Variants in EPHA6 observed in about 807,000 individuals in gnomAD.
EPHA6 encodes EPH receptor A6, also known as ephrin type-A receptor 6.
In EPHA6, 50 loss-of-function variants were observed where a neutral mutation model predicts 112.0. The observed-to-expected ratio is 0.45, with a 90% CI of 0.36 to 0.56. EPHA6 has a LOEUF of 0.56. Among genes scored for constraint, EPHA6 ranks in the 20% least tolerant of loss-of-function variants. The pLI is 0.00. For missense variants in EPHA6, 1,280 were observed against 1,417.4 expected, an observed-to-expected ratio of 0.90 and a Z score of 1.56; for synonymous variants, 529 against 490.7, an observed-to-expected ratio of 1.08 and a Z score of -1.03.
intron 5 of EPHA6, among the ~76,000 whole-genome samples, chr3:97,334,477 T>G (rs1283025802): frequency 1.4e-5 from 2 of 144,322 alleles, no homozygotes; most frequent in African/African-American, 5.4e-5. Flanking sequence ...TTTTTTTTCT[T>G]CTTTTTTTTT....
At chr3:96,895,434 A>G (rs971689579) in intron 2 of EPHA6, among the ~76,000 whole-genome samples, 1 of 152,214 alleles carries the variant, frequency 6.6e-6, no homozygotes, top group African/African-American at 2.4e-5. Context: ...ACAGTAAGCT[A>G]AAGTTAATTT....
chr3:97,150,959 T>A (rs984092527), intron 3 of EPHA6, among the ~76,000 whole-genome samples: 1 of 152,172 alleles, frequency 6.6e-6, no homozygotes, highest in Non-Finnish European at 1.5e-5. Flanking sequence ...TCAGATTTTT[T>A]AAAGTATTTA....
At chr3:96,819,007 G>A (rs554321129) in intron 1 of EPHA6, among the ~76,000 whole-genome samples, 2 of 152,022 alleles carry the variant, frequency 1.3e-5, no homozygotes, top group East Asian at 1.9e-4. Flanking sequence ...AAGATAAAAT[G>A]TTTTTATGCA....
chr3:96,960,700 C>T (rs1296305756), intron 2 of EPHA6, among the ~76,000 whole-genome samples: 1 of 152,192 alleles, frequency 6.6e-6, no homozygotes, highest in African/African-American at 2.4e-5. Flanking sequence ...AAATCCATGT[C>T]ACTATGTCTT....
At chr3:97,712,353 G>C (rs1457824417) in intron 14 of EPHA6, among the ~76,000 whole-genome samples, 2 of 152,152 alleles carry the variant, frequency 1.3e-5, no homozygotes, top group African/African-American at 4.8e-5. Context: ...CCAGATAAGA[G>C]TGGGAATAGT....
At chr3:97,126,064 A>G (rs962433188) in intron 3 of EPHA6, among the ~76,000 whole-genome samples, 1 of 152,210 alleles carries the variant, frequency 6.6e-6, no homozygotes, top group Non-Finnish European at 1.5e-5. Context: ...TTACAAGACA[A>G]AAGCCTATCT....
At chr3:96,892,994 G>T (rs2038060813) in intron 2 of EPHA6, among the ~76,000 whole-genome samples, 1 of 151,492 alleles carries the variant, frequency 6.6e-6, no homozygotes, top group Non-Finnish European at 1.5e-5. Context: ...GTGTGTGTGT[G>T]TGTGCGCGCG....
At chr3:97,096,203 G>C (rs2047229995) in intron 3 of EPHA6, among the ~76,000 whole-genome samples, 1 of 151,500 alleles carries the variant, frequency 6.6e-6, no homozygotes, top group Non-Finnish European at 1.5e-5. Context: ...TTTGCAAAAT[G>C]TGTATGTGTG....
chr3:97,058,294 T>TG (rs1396382152), intron 3 of EPHA6, among the ~76,000 whole-genome samples: 5 of 151,824 alleles, frequency 3.3e-5, no homozygotes, highest in African/African-American at 1.2e-4. Context: ...GGAGTTTTTT[T>TG]TTTGTTGTTG....
chr3:97,069,095 A>G (rs754350894), intron 3 of EPHA6, among the ~76,000 whole-genome samples: 4 of 152,090 alleles, frequency 2.6e-5, no homozygotes, highest in Non-Finnish European at 4.4e-5. Context: ...GAAAATTCAC[A>G]TGTAACTTGT....
chr3:97,484,604 A>C (rs2091651143), intron 10 of EPHA6, among the ~76,000 whole-genome samples: 2 of 152,244 alleles, frequency 1.3e-5, no homozygotes, highest in Non-Finnish European at 2.9e-5. Flanking sequence ...ACAGGAATTT[A>C]TGCTGTACAT....
chr3:96,939,426 T>C (rs552708720), intron 2 of EPHA6, among the ~76,000 whole-genome samples: 59 of 152,232 alleles, frequency 3.9e-4, no homozygotes, highest in Non-Finnish European at 7.1e-4. Context: ...GATGGTAGTT[T>C]GTATTTCTGT....
chr3:97,357,891 G>C (rs957493673), intron 5 of EPHA6, among the ~76,000 whole-genome samples: 4 of 152,152 alleles, frequency 2.6e-5, no homozygotes, highest in Non-Finnish European at 4.4e-5. Context: ...ACATCATAAA[G>C]GTCTTCATCT....
intron 11 of EPHA6, among the ~76,000 whole-genome samples, chr3:97,560,855 A>G (rs147133332): frequency 6.6e-6 from 1 of 152,158 alleles, no homozygotes; most frequent in African/African-American, 2.4e-5. Context: ...GAGCAAATCT[A>G]TCAGTGCCAT....
chr3:97,084,875 T>A (rs771908030), intron 3 of EPHA6, among the ~76,000 whole-genome samples: 19 of 152,132 alleles, frequency 1.2e-4, no homozygotes, highest in Non-Finnish European at 2.4e-4. Flanking sequence ...AAAATATTCT[T>A]ATTTTAAAAC....
rs1341764861 is a variant in EPHA6, at chr3:96,954,846, TG to T, written c.451-32483del. ...CTGTCGCCCAGGCCGGACTGCGGAC[TG>T]CAGTGGCGCAATCTCGGCTCACTGC... On this transcript the variant is annotated intron_variant, in intron 2 of 17. Transcript: ENST00000389672. 1.5e-4 allele frequency among the ~76,000 whole-genome samples: 19 copies of T among 129,750 alleles called. No homozygotes were observed. The Admixed American group carries it at 1.7e-3, about 12-fold the overall frequency. The allele number at this position is 129,750 out of a possible 152,430, so 85.1% of individuals were successfully genotyped here. A position where few individuals can be genotyped will look rare whatever the true frequency, so the allele number is the denominator to read the frequency against.
At chr3:97,267,567 A>G (rs1256502387) in intron 5 of EPHA6, among the ~76,000 whole-genome samples, 3 of 152,112 alleles carry the variant, frequency 2.0e-5, no homozygotes, top group East Asian at 1.9e-4. Context: ...AAAAAATCTT[A>G]TGTTTATATT....
intron 3 of EPHA6, among the ~76,000 whole-genome samples, chr3:97,031,532 T>G (rs1369865797): frequency 1.3e-5 from 2 of 152,006 alleles, no homozygotes; most frequent in African/African-American, 2.4e-5. Flanking sequence ...GGAGAAAATT[T>G]TTGCAACCTA....
At chr3:97,418,224 AATG>A (rs1408991599) in intron 6 of EPHA6, among the ~76,000 whole-genome samples, 1 of 151,564 alleles carries the variant, frequency 6.6e-6, no homozygotes, top group African/African-American at 2.4e-5. Flanking sequence ...TATACTAATA[AATG>A]ATACTAATAA....
Sources: gnomAD v4.1 joint callset for allele counts (sites outside exome capture counted in the v4.1 genomes callset) on GRCh38, gnomAD v4.1.1 for gene constraint, MANE v1.5 for transcripts, NCBI Gene and HGNC (gene_info 2026-07-23, HGNC 2026-07-21) for gene names.